PJA1: variants seen among roughly 807,000 people sequenced by gnomAD.
PJA1 encodes the protein praja ring finger ubiquitin ligase 1, also known as E3 ubiquitin-protein ligase Praja-1.
In PJA1, 5 loss-of-function variants were observed where a neutral mutation model predicts 14.1. The ratio of observed to expected loss-of-function variants is 0.35; its 90% CI spans 0.18 to 0.74. The LOEUF (loss-of-function observed/expected upper bound fraction) is 0.74. Among genes scored for constraint, PJA1 ranks in the 30% least tolerant of loss-of-function variants. The probability of loss-of-function intolerance (pLI) is 0.56; values close to 1 mark genes in which losing one functional copy is unlikely to be tolerated. For missense variants in PJA1, 394 were observed against 482.6 expected (o/e 0.82, Z 1.72); for synonymous variants, 174 against 190.9 (o/e 0.91, Z 0.73).
rs1245342198 is a variant in PJA1 at position 69,163,089 on chromosome X, C to T, written c.-16G>A. On this transcript the variant is annotated 5_prime_UTR_variant, in exon 2 of 2. Transcript: ENST00000374571. ...ATCTGTGCATTGGGACTTCGGAGTT[C>T]GTCTTTCTCTGGCTGGCAATCCTTT... 5 of 1,209,103 alleles carry T rather than the reference C, an allele frequency of 4.1e-6. No homozygotes were observed. Among genetic ancestry groups the T allele is most frequent in the African/African-American group, 1.8e-5 (1 of 56,847 alleles).
At position 69,162,285 on chromosome X, in the gene PJA1, C is replaced by T. The variant is rs1211730803; in HGVS notation, c.789G>A (p.Glu263=). 2 of 1,211,069 alleles carry T rather than the reference C, an allele frequency of 1.7e-6. No individual in the cohort carries two copies. The highest frequency in any genetic ancestry group is 1.8e-5 in the South Asian group (1 of 56,808). ...CCCGTTTGTCTTCAGGGTACTTTGG[C>T]TCGGGATAGCCACTTGAACTCTCGC... ...GRGESSSGYP[E]PKYPEDKREA... is the part of the protein sequence containing the mutation. The change falls in exon 2 of 2, where the codon GAG becomes GAA. Residue 263 remains glutamate, a synonymous_variant. Coordinates refer to ENST00000374571, the MANE Select transcript of PJA1 (RefSeq NM_001032396.4).
At chrX:69,163,349 C>T in intron 1 of PJA1, 1 of 837,006 alleles carries the variant, frequency 1.2e-6, no homozygotes, top group Non-Finnish European at 1.7e-6. Context: ...AATAAAGGAG[C>T]AGGGAGATTT....
At chrX:69,165,041 G>A (rs759081537) in intron 1 of PJA1, among the ~76,000 whole-genome samples, 1 of 111,753 alleles carries the variant, frequency 8.9e-6, no homozygotes, top group African/African-American at 3.2e-5. Context: ...AAGGAGAGGG[G>A]AGGAGAGGCA....
At position 69,161,521 on chromosome X, in the gene PJA1, C is replaced by A. The variant is rs770378843; in HGVS notation, c.1553G>T (p.Ser518Ile). The change falls in exon 2 of 2, where the codon AGC becomes ATC. Residue 518 changes from serine to isoleucine, a missense_variant. Transcript: ENST00000374571. Reference sequence around the variant, plus strand: ...CAGGATCTCGGGAAGAGCGTCAATGCTCTCCTTGCTTGCTGGTGGATTGGC... The same window carrying A: ...CAGGATCTCGGGAAGAGCGTCAATGATCTCCTTGCTTGCTGGTGGATTGGC... Reference protein sequence around the residue: ...EVANPPASKESIDALPEILVT... With the variant: ...EVANPPASKEIIDALPEILVT... 1 of 1,211,354 alleles carries A rather than the reference C, an allele frequency of 8.3e-7. No individual in the cohort carries two copies. The highest frequency in any genetic ancestry group is 1.1e-6 in the Non-Finnish European group (1 of 895,415).
rs753903640 is a variant in PJA1, at chrX:69,162,833, G to A, written c.241C>T (p.Arg81Ter). The change falls in exon 2 of 2, where the codon CGA becomes TGA. Residue 81 changes from arginine (R) to a stop codon, truncating the protein, a stop_gained. Coordinates refer to ENST00000374571, the MANE Select transcript of PJA1 (RefSeq NM_001032396.4). LOFTEE classifies it low-confidence loss of function (END_TRUNC). ...CCAGTTTTCCCTCTCACTGGCGGTC[G>A]CTCAACAGGCCCAGCCCCCTCCTCC... ...SEEEGAGPVE[R>*]PPVRGKTGKF... 3.3e-6 allele frequency: 4 copies of A among 1,210,982 alleles called. No homozygotes were observed. Among genetic ancestry groups the A allele is most frequent in the African/African-American group, 1.7e-5 (1 of 57,543 alleles).
Position 69,161,798 on chromosome X carries a change from G to C in PJA1, c.1276C>G (p.His426Asp), listed in dbSNP as rs201330104. ...SSSEGDNDSGHELMQPGVFML... is the reference protein window; with the variant it reads ...SSSEGDNDSGDELMQPGVFML... ...AATACCCCAGGTTGCATCAACTCGT[G>C]ACCAGAATCATTATCCCCCTCACTG... The change falls in exon 2 of 2, where the codon CAC (histidine) becomes GAC (aspartate). Residue 426 changes from histidine to aspartate, a missense_variant. By Grantham distance (81) the His-to-Asp change is moderately conservative (BLOSUM62 -1). This residue lies in a region of PJA1 where 378 missense variants were observed against 439.3 expected (regional missense o/e 0.86). Transcript: ENST00000374571. The C allele has an allele frequency of 2.5e-6, 3 of 1,211,556 alleles. No homozygotes were observed. The highest frequency in any genetic ancestry group is 3.4e-6 in the Non-Finnish European group (3 of 895,444).
rs1195381426 is a variant in PJA1, at chrX:69,161,896, G to C, written c.1178C>G (p.Ser393Cys). The C allele has an allele frequency of 3.3e-6, 4 of 1,210,959 alleles. No individual in the cohort carries two copies. In the South Asian group the frequency reaches 7.0e-5, roughly 21 times the overall value. Residue 393 changes from serine to cysteine, a missense_variant, in exon 2 of 2, where the codon TCT becomes TGT. Ser to Cys is a moderately radical substitution (Grantham distance 112). Coordinates refer to ENST00000374571, the MANE Select transcript of PJA1 (RefSeq NM_001032396.4). ...SNYLEEVREP[S>C]LQEEQASLEE... The stretch of plus-strand genomic sequence containing the variant: ...CAGGGATGCCTGCTCTTCCTGAAGA[G>C]ATGGTTCTCGAACTTCTTCAAGGTA...
rs1396872336 is a variant in PJA1 at position 69,161,621 on chromosome X, G to A, written c.1453C>T (p.Leu485Phe). The A allele has an allele frequency of 1.7e-6, 2 of 1,209,641 alleles. No homozygotes were observed. The highest frequency in any genetic ancestry group is 2.2e-6 in the Non-Finnish European group (2 of 895,136). The change falls in exon 2 of 2, where the codon CTT becomes TTT. Residue 485 changes from leucine to phenylalanine, a missense_variant. By Grantham distance (22) the Leu-to-Phe change is conservative. Coordinates refer to ENST00000374571, the MANE Select transcript of PJA1 (RefSeq NM_001032396.4). ...ATTGCCTGGGCCAGGCGTTCTTCAA[G>A]TGCCATGTAGGTGAGGAACTGAGGG... ...VDPQFLTYMA[L>F]EERLAQAMET...
rs1018071988 is a variant in PJA1, at chrX:69,161,282, G to T, written c.*25C>A. 12 of 1,135,750 alleles carry T rather than the reference G, an allele frequency of 1.1e-5. No individual in the cohort carries two copies. Among genetic ancestry groups the T allele is most frequent in the Non-Finnish European group, 1.4e-5 (12 of 857,353 alleles). 93.6% of individuals were successfully genotyped at this position (1,135,750 alleles called of 1,213,427 possible). ...GGATTTCAGATGGGGAAAATAATCA[G>T]ACCAGGAGTAAACGGCCTTGGTCTT... On this transcript the variant is annotated 3_prime_UTR_variant, in exon 2 of 2. Coordinates refer to ENST00000374571, the MANE Select transcript of PJA1 (RefSeq NM_001032396.4).
chrX:69,164,661 C>T (rs1925209185), intron 1 of PJA1, among the ~76,000 whole-genome samples: 2 of 98,788 alleles, frequency 2.0e-5, no homozygotes, highest in African/African-American at 7.6e-5. Context: ...GGAGGGGAAG[C>T]ACTGGAACCT....
In PJA1 at chrX:69,162,152, C is replaced by T. The variant is rs779611178; in HGVS notation, c.922G>A (p.Glu308Lys). The change falls in exon 2 of 2, where the codon GAA becomes AAA. Residue 308 changes from glutamate to lysine, a missense_variant. This residue lies in a region of PJA1 where 378 missense variants were observed against 439.3 expected (regional missense o/e 0.86). Coordinates refer to ENST00000374571, the MANE Select transcript of PJA1 (RefSeq NM_001032396.4). ...HSDDYYKYCD[E>K]DSDSDKEWIA... ...CACTCTTTGTCACTGTCAGAGTCTT[C>T]GTCGCAGTATTTGTAGTAATCATCA... 7 of 1,209,220 alleles carry T rather than the reference C, an allele frequency of 5.8e-6. No individual in the cohort carries two copies. The highest frequency in any genetic ancestry group is 3.0e-5 in the East Asian group (1 of 33,685).
Position 69,162,293 on chromosome X carries a change from A to G in PJA1, c.781T>C (p.Tyr261His). 8.3e-7 allele frequency: 1 copy of G among 1,210,968 alleles called. No individual in the cohort carries two copies. The highest frequency in any genetic ancestry group is 1.1e-6 in the Non-Finnish European group (1 of 895,343). The change falls in exon 2 of 2, where the codon TAT becomes CAT. Residue 261 changes from tyrosine (Y) to histidine (H), a missense_variant. Transcript: ENST00000374571. The stretch of plus-strand genomic sequence containing the variant: ...TCTTCAGGGTACTTTGGCTCGGGAT[A>G]GCCACTTGAACTCTCGCCTCTCCCT... ...RRGRGESSSG[Y>H]PEPKYPEDKR...
chrX:69,162,338 A>G lies in PJA1; in HGVS notation c.736T>C (p.Ser246Pro). The G allele has an allele frequency of 8.3e-7, 1 of 1,210,960 alleles. No individual in the cohort carries two copies. Among genetic ancestry groups the G allele is most frequent in the Non-Finnish European group, 1.1e-6 (1 of 895,354 alleles). The change falls in exon 2 of 2, where the codon TCG becomes CCG. Residue 246 changes from serine to proline, a missense_variant. Ser to Pro is a moderately conservative substitution (Grantham distance 74). This residue lies in a region of PJA1 where 378 missense variants were observed against 439.3 expected (regional missense o/e 0.86). Coordinates refer to ENST00000374571, the MANE Select transcript of PJA1 (RefSeq NM_001032396.4). ...CTCCCTCTTCTTGCCAGGCCATCCG[A>G]GTGGCCCTCATTGTCATTGGCGGTA... is the stretch of plus-strand genomic sequence containing the variant. The part of the protein sequence containing the change: ...RDTANDNEGH[S>P]DGLARRGRGE...
Position 69,162,253 on chromosome X carries a change from C to T in PJA1, c.821G>A (p.Arg274Lys). 8.3e-7 allele frequency: 1 copy of T among 1,210,781 alleles called. No homozygotes were observed. Among genetic ancestry groups the T allele is most frequent in the East Asian group, 3.0e-5 (1 of 33,758 alleles). Residue 274 changes from arginine to lysine, a missense_variant, in exon 2 of 2, where the codon AGG (arginine) becomes AAG (lysine). By Grantham distance (26) the Arg-to-Lys change is conservative. Transcript: ENST00000374571. ...CTTTTCTGGTTTCACTTGGTCACTC[C>T]TCGCTTCCCGTTTGTCTTCAGGGTA... ...PKYPEDKREA[R>K]SDQVKPEKVP... is the part of the protein sequence containing the mutation.
In PJA1 at chrX:69,162,951, A is replaced by G; in HGVS notation, c.123T>C (p.Tyr41=). The G allele has an allele frequency of 2.5e-6, 3 of 1,210,956 alleles. No individual in the cohort carries two copies. Among genetic ancestry groups the G allele is most frequent in the Non-Finnish European group, 3.4e-6 (3 of 895,394 alleles). ...TGTACTCTCTTGGCGGATACCTGGA[A>G]TAGTCCTCATTATCAATATTCAGGT... is the stretch of plus-strand genomic sequence containing the variant. The part of the protein sequence containing the change: ...GTNLNIDNED[Y]SRYPPREYRA... The change falls in exon 2 of 2, where the codon TAT becomes TAC. Residue 41 remains tyrosine, a synonymous_variant. Coordinates refer to ENST00000374571, the MANE Select transcript of PJA1 (RefSeq NM_001032396.4).
In PJA1 at chrX:69,161,514, G is replaced by A; in HGVS notation, c.1560C>T (p.Asp520=). 4.1e-6 allele frequency: 5 copies of A among 1,211,740 alleles called. No individual in the cohort carries two copies. The highest frequency in any genetic ancestry group is 2.3e-4 in the Middle Eastern group (1 of 4,356). The change falls in exon 2 of 2, where the codon GAC becomes GAT. Residue 520 remains aspartate (D), a synonymous_variant. Transcript: ENST00000374571. The part of the protein sequence containing the change: ...ANPPASKESI[D]ALPEILVTED... ...CAGTGACCAGGATCTCGGGAAGAGC[G>A]TCAATGCTCTCCTTGCTTGCTGGTG...
In PJA1 at chrX:69,161,581, G is replaced by T. The variant is rs199707327; in HGVS notation, c.1493C>A (p.Ala498Glu). 6 of 1,209,806 alleles carry T rather than the reference G, an allele frequency of 5.0e-6. No individual in the cohort carries two copies. In the African/African-American group the frequency reaches 7.0e-5, roughly 14 times the overall value. ...RLAQAMETAL[A>E]HLESLAVDVE... ...ATCCACTGCGAGAGACTCCAAGTGC[G>T]CAAGGGCAGTTTCCATTGCCTGGGC... The change falls in exon 2 of 2, where the codon GCG (alanine) becomes GAG (glutamate). Residue 498 changes from alanine (A) to glutamate (E), a missense_variant. Physicochemically the swap from Ala to Glu is moderately radical, Grantham distance 107. Transcript: ENST00000374571.
Position 69,162,162 on chromosome X carries a change from T to G in PJA1, c.912A>C (p.Lys304Asn). The change falls in exon 2 of 2, where the codon AAA becomes AAC. Residue 304 changes from lysine (K) to asparagine (N), a missense_variant. Coordinates refer to ENST00000374571, the MANE Select transcript of PJA1 (RefSeq NM_001032396.4). ...DFWTHSDDYY[K>N]YCDEDSDSDK... The stretch of plus-strand genomic sequence containing the variant: ...CACTGTCAGAGTCTTCGTCGCAGTA[T>G]TTGTAGTAATCATCACTGTGCGTCC... The G allele has an allele frequency of 8.3e-7, 1 of 1,211,364 alleles. No individual in the cohort carries two copies. The highest frequency in any genetic ancestry group is 1.1e-6 in the Non-Finnish European group (1 of 895,412).
At chrX:69,164,721 G>A (rs1223480436) in intron 1 of PJA1, among the ~76,000 whole-genome samples, 1 of 93,889 alleles carries the variant, frequency 1.1e-5, no homozygotes, top group African/African-American at 4.0e-5. Context: ...TTCTGTGCGG[G>A]GGCGCGTGCT....
Sources: gnomAD v4.1 joint callset for allele counts (sites outside exome capture counted in the v4.1 genomes callset) on GRCh38, gnomAD v4.1.1 for gene constraint, gnomAD v4.1.1 regional missense constraint, MANE v1.5 for transcripts, NCBI Gene and HGNC (gene_info 2026-07-23, HGNC 2026-07-21) for gene names.